SUGCT: variants seen among roughly 807,000 people sequenced by gnomAD.
SUGCT encodes the protein succinyl-CoA:glutarate-CoA transferase.
SUGCT carries 41 observed loss-of-function variants against 55.0 expected under a neutral mutation model. The ratio of observed to expected loss-of-function variants is 0.74; its 90% confidence interval spans 0.58 to 0.97. The LOEUF is 0.97. SUGCT is among the 50% of genes least tolerant of loss of function. SUGCT has a pLI of 0.00. For synonymous variants in SUGCT, 187 were observed against 200.4 expected, an observed-to-expected ratio of 0.93 and a Z score of 0.56; for missense variants, 568 against 547.8, an observed-to-expected ratio of 1.04 and a Z score of -0.37.
intron 12 of SUGCT, among the ~76,000 whole-genome samples, chr7:40,526,453 T>C (rs1793803252): frequency 6.6e-6 from 1 of 152,154 alleles, no homozygotes; most frequent in Non-Finnish European, 1.5e-5. Flanking sequence ...TTAATATGCA[T>C]TAAAATAATC....
intron 6 of SUGCT, among the ~76,000 whole-genome samples, chr7:40,209,578 C>T (rs1787211705): frequency 1.3e-5 from 2 of 152,280 alleles, no homozygotes. Context: ...GGCTGAATCA[C>T]CTGAGGTCCG....
chr7:40,436,632 T>C (rs1461122884), intron 9 of SUGCT, among the ~76,000 whole-genome samples: 1 of 152,164 alleles, frequency 6.6e-6, no homozygotes, highest in African/African-American at 2.4e-5. Context: ...GAAATGATAT[T>C]TTCATATATG....
chr7:40,248,889 C>CACAG, intron 7 of SUGCT, among the ~76,000 whole-genome samples: 1 of 60,654 alleles, frequency 1.6e-5, no homozygotes, highest in South Asian at 5.4e-4. Flanking sequence ...CGCGCGCTCG[C>CACAG]ACACACACAC....
chr7:40,153,776 G>A (rs113352798), intron 1 of SUGCT: 3 of 415,336 alleles, frequency 7.2e-6, no homozygotes, highest in African/African-American at 2.0e-5. Context: ...ATTAAAGAAG[G>A]CTAACCATCC....
chr7:40,917,451 G>A, the SUGCT span, among the ~76,000 whole-genome samples: 1 of 152,086 alleles, frequency 6.6e-6, no homozygotes, highest in East Asian at 1.9e-4. Context: ...AAGATGAGAG[G>A]TCAAGGTCTC....
At chr7:40,824,282 T>C (rs1386789369) in intron 13 of SUGCT, among the ~76,000 whole-genome samples, 1 of 152,146 alleles carries the variant, frequency 6.6e-6, no homozygotes. Flanking sequence ...TGGATGTTCT[T>C]AAAATCCAAA....
At chr7:40,683,911 C>A in intron 12 of SUGCT, 1 of 1,191,154 alleles carries the variant, frequency 8.4e-7, no homozygotes, top group Non-Finnish European at 1.2e-6. Flanking sequence ...TCTCACCAGG[C>A]TAAAATCAAG....
chr7:40,171,983 T>C (rs1356127157), intron 1 of SUGCT, among the ~76,000 whole-genome samples: 2 of 152,186 alleles, frequency 1.3e-5, no homozygotes, highest in Non-Finnish European at 2.9e-5. Context: ...TCTTTTCCTC[T>C]CTCTCTCTTT....
At chr7:40,995,343 T>C in the SUGCT span, among the ~76,000 whole-genome samples, 13 of 151,602 alleles carry the variant, frequency 8.6e-5, no homozygotes, top group East Asian at 2.1e-3. Flanking sequence ...ATCCCCGTTA[T>C]CTCCTCCCCT....
intron 12 of SUGCT, among the ~76,000 whole-genome samples, chr7:40,566,082 G>A (rs1451124416): frequency 1.3e-5 from 2 of 151,998 alleles, no homozygotes; most frequent in Non-Finnish European, 2.9e-5. Flanking sequence ...CAGTGAATAT[G>A]TGTGTTTGTT....
intron 1 of SUGCT, among the ~76,000 whole-genome samples, chr7:40,147,435 T>C (rs1330395477): frequency 6.6e-6 from 1 of 152,228 alleles, no homozygotes; most frequent in Non-Finnish European, 1.5e-5. Context: ...CACCACATCC[T>C]GTGGCTTTCT....
chr7:40,259,782 T>C (rs1267182049), intron 7 of SUGCT, among the ~76,000 whole-genome samples: 1 of 152,252 alleles, frequency 6.6e-6, no homozygotes, highest in Non-Finnish European at 1.5e-5. Context: ...TATTCTCTAA[T>C]TGCATCTTTT....
At chr7:40,745,311 T>G (rs1298947397) in intron 12 of SUGCT, among the ~76,000 whole-genome samples, 1 of 152,214 alleles carries the variant, frequency 6.6e-6, no homozygotes, top group African/African-American at 2.4e-5. Flanking sequence ...ATATTTTCAC[T>G]GTCTATGGAT....
At chr7:40,216,538 A>G (rs1398329517) in intron 6 of SUGCT, among the ~76,000 whole-genome samples, 3 of 151,346 alleles carry the variant, frequency 2.0e-5, no homozygotes, top group Non-Finnish European at 4.4e-5. Context: ...ATGATAGGAC[A>G]AGGCTGCTTA....
At chr7:40,563,009 G>A (rs940276977) in intron 12 of SUGCT, among the ~76,000 whole-genome samples, 15 of 152,092 alleles carry the variant, frequency 9.9e-5, no homozygotes, top group South Asian at 2.1e-4. Flanking sequence ...TTCTGTGAGG[G>A]AGGGGTCCAA....
intron 9 of SUGCT, among the ~76,000 whole-genome samples, chr7:40,386,182 C>T (rs532827400): frequency 6.6e-6 from 1 of 152,264 alleles, no homozygotes; most frequent in East Asian, 1.9e-4. Context: ...CAGGAGTGCA[C>T]AGCTAGGACA....
intron 8 of SUGCT, among the ~76,000 whole-genome samples, chr7:40,287,654 G>A (rs545476393): frequency 6.6e-6 from 1 of 152,118 alleles, no homozygotes; most frequent in South Asian, 2.1e-4. Context: ...ATGCCATCAT[G>A]CTCAGCTAAA....
intron 13 of SUGCT, among the ~76,000 whole-genome samples, chr7:40,794,433 C>G (rs2128746911): frequency 6.6e-6 from 1 of 152,198 alleles, no homozygotes; most frequent in South Asian, 2.1e-4. Context: ...TGCCATTGTT[C>G]CATGAGATGT....
At chr7:40,162,193 G>T (rs920268900) in intron 1 of SUGCT, among the ~76,000 whole-genome samples, 2 of 152,148 alleles carry the variant, frequency 1.3e-5, no homozygotes, top group African/African-American at 4.8e-5. Context: ...ACCGCGCCCG[G>T]CCGTGAAGTG....
Sources: gnomAD v4.1 joint callset for allele counts (sites outside exome capture counted in the v4.1 genomes callset) on GRCh38, gnomAD v4.1.1 for gene constraint, MANE v1.5 for transcripts, NCBI Gene and HGNC (gene_info 2026-07-23, HGNC 2026-07-21) for gene names.